The following BTN2A2 variants were observed in gnomAD, a reference collection of about 807,000 sequenced individuals.
BTN2A2 encodes butyrophilin subfamily 2 member A2.
BTN2A2 carries 29 observed loss-of-function variants against 34.7 expected under a neutral mutation model. The observed-to-expected ratio is 0.84, with a 90% CI of 0.62 to 1.14. The LOEUF (loss-of-function observed/expected upper bound fraction) is 1.14, where lower values mean the gene tolerates loss of function less well. BTN2A2 is among the 50% of genes most tolerant of loss of function. The pLI, the probability that BTN2A2 is intolerant of heterozygous loss-of-function variation, is 0.00. For missense variants in BTN2A2, 612 were observed against 651.5 expected, an observed-to-expected ratio of 0.94 and a Z score of 0.66; for synonymous variants, 240 against 253.1, an observed-to-expected ratio of 0.95 and a Z score of 0.49.
chr6:26,386,907 C>T (rs1465950123), intron 3 of BTN2A2, among the ~76,000 whole-genome samples: 1 of 152,164 alleles, frequency 6.6e-6, no homozygotes, highest in Non-Finnish European at 1.5e-5. Context: ...TTTCTCCTGA[C>T]AAAAATTAAA....
intron 3 of BTN2A2, 105 bp downstream of exon 3, chr6:26,385,467 C>G: frequency 8.8e-7 from 1 of 1,135,554 alleles, no homozygotes; most frequent in Admixed American, 2.6e-5. Flanking sequence ...TTCTATCTGG[C>G]GTCCCCTTTC....
intron 6 of BTN2A2, 31 bp downstream of exon 6, chr6:26,390,738 G>T (rs1761525291): frequency 1.2e-6 from 2 of 1,614,242 alleles, no homozygotes; most frequent in East Asian, 2.2e-5. Context: ...ACTACTCCGT[G>T]TACAATTTGT....
At position 26,384,901 on chromosome 6, in the gene BTN2A2, CT is replaced by C; in HGVS notation, c.95-112del. The C allele has an allele frequency of 2.6e-6, 3 of 1,133,782 alleles. No homozygotes were observed. In the South Asian group the frequency reaches 5.0e-5, roughly 19 times the overall value. The allele number at this position is 1,133,782 out of a possible 1,614,324, so 70.2% of individuals were successfully genotyped here. A position where few individuals can be genotyped will look rare whatever the true frequency, so the allele number is the denominator to read the frequency against. On this transcript the variant is annotated intron_variant, in intron 2 of 7. Coordinates refer to ENST00000356709, the MANE Select transcript of BTN2A2 (RefSeq NM_006995.5). The surrounding 1 kb of genome is among the most constrained non-coding windows in gnomAD (Gnocchi z 4.0). Reference sequence around the variant, plus strand: ...AACCCCTGTAGCCTTGGAATATCTGCTTCCTTTCATCCCTGGAGTTTTTTTT... The same window carrying C: ...AACCCCTGTAGCCTTGGAATATCTGCTCCTTTCATCCCTGGAGTTTTTTTT...
chr6:26,392,984 T>C lies in BTN2A2; in HGVS notation c.*17T>C, dbSNP rs898714698. ...AGCCTATAGAATCAATTCCTTGGAC[T>C]CACAGCCATGCAGATAAGCCCTGGC... On this transcript the variant is annotated 3_prime_UTR_variant, in exon 8 of 8. Transcript: ENST00000356709. 2.5e-6 allele frequency: 4 copies of C among 1,614,006 alleles called. No homozygotes were observed. The South Asian group carries it at 4.4e-5, about 18-fold the overall frequency.
intron 5 of BTN2A2, 24 bp downstream of exon 5, chr6:26,390,235 T>C (rs1296531755): frequency 3.1e-6 from 5 of 1,603,926 alleles, no homozygotes; most frequent in Non-Finnish European, 4.3e-6. Flanking sequence ...AAAGAAAGTG[T>C]GGAAAAATAG....
At chr6:26,390,526 T>C in intron 5 of BTN2A2, 161 bp from the exon 6 acceptor site, 1 of 908,406 alleles carries the variant, frequency 1.1e-6, no homozygotes, top group South Asian at 1.5e-5. Flanking sequence ...CCCAGCCATC[T>C]GATCATACAT....
Position 26,392,918 on chromosome 6 carries a change from C to T in BTN2A2, c.1523C>T (p.Pro508Leu), listed in dbSNP as rs779482670. 1 of 1,614,188 alleles carries T rather than the reference C, an allele frequency of 6.2e-7. No individual in the cohort carries two copies. The highest frequency in any genetic ancestry group is 1.3e-5 in the African/African-American group (1 of 75,040). Residue 508 changes from proline to leucine, a missense_variant, in exon 8 of 8, where the codon CCT becomes CTT. By Grantham distance (98) the Pro-to-Leu change is moderately conservative. Coordinates refer to ENST00000356709, the MANE Select transcript of BTN2A2 (RefSeq NM_006995.5). ...ALTGASGVMV[P>L]EEGLKLHRVG... ...ACAGGAGCCAGTGGGGTCATGGTGCCTGAAGAGGGCCTGAAACTTCACAGA... is the reference window on the plus strand; with the variant it reads ...ACAGGAGCCAGTGGGGTCATGGTGCTTGAAGAGGGCCTGAAACTTCACAGA...
rs1209878051 is a variant in BTN2A2, at chr6:26,392,619, G to C, written c.1224G>C (p.Glu408Asp). Residue 408 changes from glutamate (E) to aspartate (D), a missense_variant, in exon 8 of 8, where the codon GAG (glutamate) becomes GAC (aspartate). Physicochemically the swap from Glu to Asp is conservative, Grantham distance 45 (BLOSUM62 2). Coordinates refer to ENST00000356709, the MANE Select transcript of BTN2A2 (RefSeq NM_006995.5). ...GACACAGTGTTGAGAGGAAAGGGGAGGTCCTGCTGATTCCTCAGAATGGCT... is the reference window on the plus strand; with the variant it reads ...GACACAGTGTTGAGAGGAAAGGGGACGTCCTGCTGATTCCTCAGAATGGCT... Reference protein sequence around the residue: ...VCRHSVERKGEVLLIPQNGFW... With the variant: ...VCRHSVERKGDVLLIPQNGFW... 3 of 1,614,184 alleles carry C rather than the reference G, an allele frequency of 1.9e-6. No individual in the cohort carries two copies. In the East Asian group the frequency reaches 6.7e-5, roughly 36 times the overall value.
intron 5 of BTN2A2, 133 bp downstream of exon 5, chr6:26,390,344 G>A (rs568146635): frequency 2.1e-6 from 2 of 939,056 alleles, no homozygotes; most frequent in East Asian, 2.6e-5. Context: ...AAGAGAGAGA[G>A]GAAATGCACA....
At chr6:26,386,061 G>C (rs1353467653) in intron 3 of BTN2A2, among the ~76,000 whole-genome samples, 1 of 152,152 alleles carries the variant, frequency 6.6e-6, no homozygotes, top group African/African-American at 2.4e-5. Context: ...CTTATTTTTC[G>C]ATAAATATTA....
At position 26,393,158 on chromosome 6, in the gene BTN2A2, G is replaced by A. The variant is rs1384926572; in HGVS notation, c.*191G>A. 6 of 1,588,528 alleles carry A rather than the reference G, an allele frequency of 3.8e-6. No homozygotes were observed. Among genetic ancestry groups the A allele is most frequent in the Non-Finnish European group, 4.3e-6 (5 of 1,168,952 alleles). The stretch of plus-strand genomic sequence containing the variant: ...TCCTCCTCACTAGTCTGTGGCTTTA[G>A]TAGTTCCTTTGCTTGTAATTATGGG... On this transcript the variant is annotated 3_prime_UTR_variant, in exon 8 of 8. Transcript: ENST00000356709.
At position 26,388,242 on chromosome 6, in the gene BTN2A2, T is replaced by G. The variant is rs1761337625; in HGVS notation, c.672T>G (p.Ser224=). The change falls in exon 4 of 8, where the codon TCT becomes TCG. Residue 224 remains serine (S), a synonymous_variant. Transcript: ENST00000356709. ...RDKYVRNVSC[S]VNNTLLGQEK... The stretch of plus-strand genomic sequence containing the variant: ...AGTATGTGAGGAATGTGTCCTGCTC[T>G]GTCAACAACACCCTGCTCGGCCAGG... 3 of 1,614,230 alleles carry G rather than the reference T, an allele frequency of 1.9e-6. No individual in the cohort carries two copies.
chr6:26,390,426 T>C, intron 5 of BTN2A2: 1 of 680,500 alleles, frequency 1.5e-6, no homozygotes, highest in Non-Finnish European at 2.5e-6. Flanking sequence ...TCTTCCATGC[T>C]GCACACATTA....
chr6:26,393,343 A>T lies in BTN2A2; in HGVS notation c.*376A>T. On this transcript the variant is annotated 3_prime_UTR_variant, in exon 8 of 8. Coordinates refer to ENST00000356709, the MANE Select transcript of BTN2A2 (RefSeq NM_006995.5). ...GATGCTGTGGACTTGGAATGAGGCC[A>T]ACAGGGTTCACCAGGATGAGAGAGG... 2.5e-6 allele frequency: 3 copies of T among 1,203,150 alleles called. No individual in the cohort carries two copies. Among genetic ancestry groups the T allele is most frequent in the Non-Finnish European group, 3.1e-6 (3 of 955,306 alleles). 74.5% of individuals were successfully genotyped at this position (1,203,150 alleles called of 1,614,324 possible).
chr6:26,383,295 CAGA>C lies in BTN2A2; in HGVS notation c.-31+115_-31+117del, dbSNP rs1760969567. ...GTGAGGATCAGAGGGGAAAAGAAAA[CAGA>C]GGTTAGTTCTAGAAGGTAGGAAAGG... On this transcript the variant is annotated intron_variant, in intron 1 of 7. Coordinates refer to ENST00000356709, the MANE Select transcript of BTN2A2 (RefSeq NM_006995.5). The surrounding 1 kb of genome is among the most constrained non-coding windows in gnomAD (Gnocchi z 4.4). 6.4e-6 allele frequency: 1 copy of C among 155,098 alleles called. No individual in the cohort carries two copies. The highest frequency in any genetic ancestry group is 2.4e-5 in the African/African-American group (1 of 41,116). 9.6% of individuals were successfully genotyped at this position (155,098 alleles called of 1,614,324 possible). A position where few individuals can be genotyped will look rare whatever the true frequency, so the allele number is the denominator to read the frequency against.
Position 26,393,036 on chromosome 6 carries a change from C to A in BTN2A2, c.*69C>A, listed in dbSNP as rs574356294. On this transcript the variant is annotated 3_prime_UTR_variant, in exon 8 of 8. Transcript: ENST00000356709. ...ATCTCAGCAGCCACCGCACAACCCCCCTAATGAAAGACACGCCCTCCTCCC... is the reference window on the plus strand; with the variant it reads ...ATCTCAGCAGCCACCGCACAACCCCACTAATGAAAGACACGCCCTCCTCCC... 8 of 1,612,914 alleles carry A rather than the reference C, an allele frequency of 5.0e-6. No individual in the cohort carries two copies. Among genetic ancestry groups the A allele is most frequent in the African/African-American group, 1.3e-5 (1 of 75,008 alleles).
At position 26,384,101 on chromosome 6, in the gene BTN2A2, A is replaced by G. The variant is rs562430400; in HGVS notation, c.94+186A>G. Among the ~76,000 whole-genome samples the G allele has an allele frequency of 4.6e-5, 7 of 152,360 alleles. No individual in the cohort carries two copies. The highest frequency in any genetic ancestry group is 1.7e-4 in the African/African-American group (7 of 41,590). ...TGAAGCACAAAGGTCAAGTGCATATACAAGTGCAAATCTTCAAAAAGATTT... is the reference window on the plus strand; with the variant it reads ...TGAAGCACAAAGGTCAAGTGCATATGCAAGTGCAAATCTTCAAAAAGATTT... On this transcript the variant is annotated intron_variant, in intron 2 of 7. Coordinates refer to ENST00000356709, the MANE Select transcript of BTN2A2 (RefSeq NM_006995.5). The surrounding 1 kb of genome is among the most constrained non-coding windows in gnomAD (Gnocchi z 4.0).
Position 26,390,808 on chromosome 6 carries a change from A to C in BTN2A2, c.958A>C (p.Arg320=), listed in dbSNP as rs1761531292. ...AQQLQEELRW[R]RTFLHAADVV... ...CCTCTGTCTGTCCCTTGCAGGATGGAGAAGAACATTCTTACATGCTGGTGA... is the reference window on the plus strand; with the variant it reads ...CCTCTGTCTGTCCCTTGCAGGATGGCGAAGAACATTCTTACATGCTGGTGA... The change falls in exon 7 of 8, where the codon AGA becomes CGA. Residue 320 remains arginine (R), a synonymous_variant. Coordinates refer to ENST00000356709, the MANE Select transcript of BTN2A2 (RefSeq NM_006995.5). 1 of 1,614,080 alleles carries C rather than the reference A, an allele frequency of 6.2e-7. No homozygotes were observed. The highest frequency in any genetic ancestry group is 8.5e-7 in the Non-Finnish European group (1 of 1,180,044).
At chr6:26,391,846 T>C (rs1401709670) in intron 7 of BTN2A2, 1 of 194,700 alleles carries the variant, frequency 5.1e-6, no homozygotes, top group Non-Finnish European at 1.1e-5. Context: ...TGTGCCCTTG[T>C]CAGCCACTTA....
Sources: allele counts gnomAD v4.1 joint callset (sites outside exome capture counted in the v4.1 genomes callset), GRCh38; gene constraint gnomAD v4.1.1; non-coding constraint Gnocchi (gnomAD v3.1); transcripts MANE v1.5; gene names NCBI Gene and HGNC (gene_info 2026-07-23, HGNC 2026-07-21).